SPDYE12: variants seen among roughly 807,000 people sequenced by gnomAD.
SPDYE12 encodes speedy protein E12.
chr7:74,909,820 G>T, the SPDYE12 span, among the ~76,000 whole-genome samples: 11 of 149,866 alleles, frequency 7.3e-5, no homozygotes, highest in African/African-American at 1.2e-4. Context: ...TTTCGGTGAT[G>T]CTCCCAGGAT....
the SPDYE12 span, chr7:74,907,068 G>A: frequency 8.4e-6 from 13 of 1,541,108 alleles, 1 homozygote; most frequent in South Asian, 1.1e-5. Context: ...GGGCCTCATC[G>A]TCCTCCTCCA....
the SPDYE12 span, chr7:74,909,553 G>C: frequency 2.5e-6 from 4 of 1,582,420 alleles, no homozygotes; most frequent in Non-Finnish European, 3.5e-6. Context: ...CGTTGGTATT[G>C]CCAGGAGGGG....
the SPDYE12 span, among the ~76,000 whole-genome samples, chr7:74,912,770 C>CTTTTTTTT: frequency 0.016 from 178 of 11,242 alleles, 67 homozygotes; most frequent in Non-Finnish European, 0.022. Context: ...TTTTTTTCTT[C>CTTTTTTTT]TTTTTTTTTT....
chr7:74,908,559 A>G, the SPDYE12 span, among the ~76,000 whole-genome samples: 2 of 137,638 alleles, frequency 1.5e-5, no homozygotes, highest in African/African-American at 5.4e-5. Context: ...GAGAGAGAGA[A>G]GAACCGGAAA....
the SPDYE12 span, among the ~76,000 whole-genome samples, chr7:74,904,746 T>C: frequency 6.7e-6 from 1 of 150,348 alleles, no homozygotes; most frequent in African/African-American, 2.4e-5. Context: ...TATTCAAAAA[T>C]ACCAGTATTT....
At chr7:74,909,498 G>C in the SPDYE12 span, 3 of 1,478,364 alleles carry the variant, frequency 2.0e-6, 1 homozygote, top group South Asian at 1.1e-5. Flanking sequence ...GATATTGATG[G>C]ATAGGAGGCA....
chr7:74,915,019 A>G, the SPDYE12 span, among the ~76,000 whole-genome samples: 1 of 151,772 alleles, frequency 6.6e-6, no homozygotes, highest in African/African-American at 2.4e-5. Flanking sequence ...TCTCTCGCTC[A>G]TGGGAAAGGC....
the SPDYE12 span, among the ~76,000 whole-genome samples, chr7:74,914,939 A>ACAAAC: frequency 2.8e-5 from 4 of 142,862 alleles, no homozygotes; most frequent in Admixed American, 7.2e-5. Flanking sequence ...AAAAAAACAA[A>ACAAAC]AAAAAAACAA....
the SPDYE12 span, among the ~76,000 whole-genome samples, chr7:74,909,979 G>T: frequency 6.6e-6 from 1 of 150,790 alleles, no homozygotes. Flanking sequence ...GTGGCCCAGG[G>T]CTCAGATCCC....
the SPDYE12 span, among the ~76,000 whole-genome samples, chr7:74,908,614 T>TTTC: frequency 2.1e-5 from 3 of 145,774 alleles, no homozygotes; most frequent in East Asian, 6.0e-4. Context: ...CTCCGCTCCT[T>TTTC]TTCTTCTCCC....
At chr7:74,907,815 A>G in the SPDYE12 span, among the ~76,000 whole-genome samples, 4 of 149,910 alleles carry the variant, frequency 2.7e-5, no homozygotes, top group Non-Finnish European at 5.9e-5. Flanking sequence ...GGAGCTAATC[A>G]AGAGGCTGAG....
At chr7:74,909,675 T>G in the SPDYE12 span, 14 of 1,562,578 alleles carry the variant, frequency 9.0e-6, 1 homozygote, top group East Asian at 1.6e-4. Context: ...GTGGAGATAG[T>G]GGAATGGGGG....
At chr7:74,904,831 A>G in the SPDYE12 span, among the ~76,000 whole-genome samples, 3 of 149,188 alleles carry the variant, frequency 2.0e-5, no homozygotes, top group African/African-American at 7.3e-5. Flanking sequence ...ATATTTCAAT[A>G]AATAAAATAA....
chr7:74,907,863 G>A, the SPDYE12 span, among the ~76,000 whole-genome samples: 251 of 137,806 alleles, frequency 1.8e-3, no homozygotes, highest in Admixed American at 4.4e-3. Flanking sequence ...TGGAGGCTGC[G>A]GTGAGCTATG....
the SPDYE12 span, among the ~76,000 whole-genome samples, chr7:74,909,873 G>A: frequency 6.1e-5 from 9 of 147,822 alleles, no homozygotes; most frequent in Non-Finnish European, 1.1e-4. Context: ...TGTCTAGGTC[G>A]GCTGGTGTCA....
the SPDYE12 span, among the ~76,000 whole-genome samples, chr7:74,908,164 G>A: frequency 3.1e-5 from 4 of 130,220 alleles, no homozygotes; most frequent in African/African-American, 1.1e-4. Context: ...ACATGTGTGC[G>A]GGACACCCAG....
the SPDYE12 span, chr7:74,909,713 G>A: frequency 6.7e-7 from 1 of 1,498,518 alleles, no homozygotes; most frequent in Non-Finnish European, 9.3e-7. Context: ...CATCAGAGAA[G>A]GGACCTCAGC....
the SPDYE12 span, among the ~76,000 whole-genome samples, chr7:74,912,824 C>T: frequency 1.1e-5 from 1 of 91,886 alleles, no homozygotes; most frequent in Non-Finnish European, 2.0e-5. Context: ...GATAGCATCT[C>T]ACGCTGTCAC....
the SPDYE12 span, among the ~76,000 whole-genome samples, chr7:74,912,772 T>TCTTC: frequency 4.0e-5 from 1 of 25,074 alleles, no homozygotes; most frequent in Non-Finnish European, 7.4e-5. Context: ...TTTTTCTTCT[T>TCTTC]TTTTTTTTTT....
Sources: allele counts gnomAD v4.1 joint callset (sites outside exome capture counted in the v4.1 genomes callset), GRCh38; gene constraint gnomAD v4.1.1; transcripts MANE v1.5; gene names NCBI Gene and HGNC (gene_info 2026-07-23, HGNC 2026-07-21).